DENND2B: variants seen among roughly 807,000 people sequenced by gnomAD.
DENND2B encodes the protein DENN domain-containing protein 2B.
A neutral mutation model predicts 116.0 loss-of-function variants in DENND2B; 32 were observed. The observed-to-expected ratio is 0.28, with a 90% CI of 0.21 to 0.37. The LOEUF is 0.37. Among genes scored for constraint, DENND2B ranks in the 10% least tolerant of loss-of-function variants. The pLI, the probability that DENND2B is intolerant of heterozygous loss-of-function variation, is 1.00. For missense variants in DENND2B, 1,276 were observed against 1,477.7 expected (o/e 0.86, Z 2.24); for synonymous variants, 588 against 583.9 (o/e 1.01, Z -0.10).
At chr11:8,752,779 T>C (rs1038250278) in intron 1 of DENND2B, among the ~76,000 whole-genome samples, 3 of 152,156 alleles carry the variant, frequency 2.0e-5, no homozygotes, top group Non-Finnish European at 4.4e-5. Context: ...AATATGAAGA[T>C]TAAAATTTAA....
chr11:8,845,937 A>C (rs532062422), intron 3 of DENND2B, among the ~76,000 whole-genome samples: 1 of 152,168 alleles, frequency 6.6e-6, no homozygotes, highest in African/African-American at 2.4e-5. Flanking sequence ...GTGTCTAGAA[A>C]CCAAAAATAC....
At chr11:8,697,911 TG>T (rs1271955626) in intron 16 of DENND2B, 2 of 510,618 alleles carry the variant, frequency 3.9e-6, no homozygotes, top group South Asian at 3.4e-5. Flanking sequence ...GAGGATCGCT[TG>T]AGCCCAGGAG....
intron 2 of DENND2B, among the ~76,000 whole-genome samples, chr11:8,743,900 C>T (rs1240269173): frequency 6.6e-6 from 1 of 151,904 alleles, no homozygotes; most frequent in African/African-American, 2.4e-5. Flanking sequence ...GTATGCACTA[C>T]CATGCCTGAT....
chr11:8,839,031 A>C (rs1230403588), intron 4 of DENND2B, among the ~76,000 whole-genome samples: 2 of 152,274 alleles, frequency 1.3e-5, no homozygotes, highest in Admixed American at 6.5e-5. Flanking sequence ...AAAAAGCCCA[A>C]AGGCAAAACA....
intron 1 of DENND2B, among the ~76,000 whole-genome samples, chr11:8,801,582 CAGG>C: frequency 6.6e-6 from 1 of 151,002 alleles, no homozygotes; most frequent in East Asian, 1.9e-4. Flanking sequence ...TAGGCTGAGA[CAGG>C]AGAATTACTT....
upstream of DENND2B, among the ~76,000 whole-genome samples, chr11:8,874,087 A>G (rs979171974): frequency 6.6e-6 from 1 of 152,262 alleles, no homozygotes; most frequent in Non-Finnish European, 1.5e-5. Flanking sequence ...AGATTTGAGC[A>G]TAAACATCCT....
At chr11:8,827,002 T>C (rs2062004316) in intron 4 of DENND2B, among the ~76,000 whole-genome samples, 1 of 152,184 alleles carries the variant, frequency 6.6e-6, no homozygotes, top group Non-Finnish European at 1.5e-5. Flanking sequence ...ATTTAAGATC[T>C]TGAAGGACAG....
intron 2 of DENND2B, among the ~76,000 whole-genome samples, chr11:8,870,000 G>A (rs1269235575): frequency 1.3e-5 from 2 of 152,202 alleles, no homozygotes; most frequent in Non-Finnish European, 2.9e-5. Flanking sequence ...AGCCCTTTGG[G>A]TTTTAACCCT....
At chr11:8,892,648 A>G (rs1282596239) in intron 1 of DENND2B, among the ~76,000 whole-genome samples, 8 of 152,382 alleles carry the variant, frequency 5.2e-5, no homozygotes, top group African/African-American at 1.4e-4. Flanking sequence ...AAAATCTAGA[A>G]GAAATGGATA....
chr11:8,837,123 C>A (rs775621853), intron 4 of DENND2B, among the ~76,000 whole-genome samples: 2 of 151,802 alleles, frequency 1.3e-5, no homozygotes, highest in East Asian at 1.9e-4. Context: ...GAAGCCAATG[C>A]AAATCTTTAA....
intron 1 of DENND2B, among the ~76,000 whole-genome samples, chr11:8,754,612 A>C (rs1351303232): frequency 6.6e-6 from 1 of 152,274 alleles, no homozygotes; most frequent in African/African-American, 2.4e-5. Flanking sequence ...CCACACAATC[A>C]CTTGTACATA....
rs190103187 is a variant in DENND2B at position 8,696,275 on chromosome 11, A to G, written c.3292+152T>C. The G allele has an allele frequency of 1.0e-3, 1,209 of 1,206,672 alleles. 3 individuals are homozygous for G. The highest frequency in any genetic ancestry group is 9.0e-3 in the Middle Eastern group (40 of 4,454). The allele number at this position is 1,206,672 out of a possible 1,614,324, so 74.7% of individuals were successfully genotyped here. On this transcript the variant is annotated intron_variant, in intron 18 of 19. Transcript: ENST00000313726. ...AAGGCATTTACTGGGGCCGGAGGAG[A>G]AGAATGCTACCTTGAAGTTTCTAAC...
At position 8,702,456 on chromosome 11, in the gene DENND2B, C is replaced by A; in HGVS notation, c.2720+116G>T. The A allele has an allele frequency of 3.5e-6, 5 of 1,448,180 alleles. No individual in the cohort carries two copies. Among genetic ancestry groups the A allele is most frequent in the Non-Finnish European group, 2.8e-6 (3 of 1,068,596 alleles). The allele number at this position is 1,448,180 out of a possible 1,614,324, so 89.7% of individuals were successfully genotyped here. ...ACCTAGTCTTCCATCTCCCTACGCA[C>A]AGCCCCACTCCAGCACTGGTCTCCG... is the stretch of plus-strand genomic sequence containing the variant. On this transcript the variant is annotated intron_variant, in intron 14 of 19. Transcript: ENST00000313726. This position sits in a 1 kb window ranked among gnomAD's most constrained non-coding sequence, Gnocchi z 4.6.
chr11:8,843,725 C>G (rs1221301443), intron 3 of DENND2B, among the ~76,000 whole-genome samples: 2 of 152,184 alleles, frequency 1.3e-5, no homozygotes, highest in Non-Finnish European at 2.9e-5. Flanking sequence ...CCATCCTGCT[C>G]ATGCCACCCC....
At chr11:8,718,689 G>T (rs998264013) in intron 4 of DENND2B, 2 of 1,192,604 alleles carry the variant, frequency 1.7e-6, no homozygotes, top group Non-Finnish European at 2.1e-6. Context: ...AAGGGTGGGG[G>T]TGAGGGGAGT....
intron 1 of DENND2B, among the ~76,000 whole-genome samples, chr11:8,798,515 G>A (rs931431446): frequency 1.3e-5 from 2 of 152,180 alleles, no homozygotes; most frequent in African/African-American, 2.4e-5. Context: ...GGATGGCACA[G>A]GTGTTGCAGT....
At chr11:8,871,209 GCGCCGGAGGCAGCGAGA>G (rs1431725305) in intron 1 of DENND2B, 1 of 148,656 alleles carries the variant, frequency 6.7e-6, no homozygotes, top group Non-Finnish European at 1.5e-5. Flanking sequence ...GCGCTCGGAG[GCGCCGGAGGCAGCGAGA>G]AAGCCGCGCC....
chr11:8,697,130 A>T (rs1045405603), intron 17 of DENND2B, among the ~76,000 whole-genome samples: 5 of 152,222 alleles, frequency 3.3e-5, no homozygotes, highest in Admixed American at 2.6e-4. Flanking sequence ...GAAGGCCAGA[A>T]ACTATGTTCT....
At chr11:8,719,227 T>C in intron 4 of DENND2B, 1 of 985,418 alleles carries the variant, frequency 1.0e-6, no homozygotes, top group Non-Finnish European at 1.2e-6. Flanking sequence ...AATCCCTATA[T>C]GCTTGCAGAT....
Sources: allele counts gnomAD v4.1 joint callset (sites outside exome capture counted in the v4.1 genomes callset), GRCh38; gene constraint gnomAD v4.1.1; non-coding constraint Gnocchi (gnomAD v3.1); transcripts MANE v1.5; gene names NCBI Gene and HGNC (gene_info 2026-07-23, HGNC 2026-07-21).